Variants in PCDHGA5 observed in about 807,000 individuals in gnomAD.
PCDHGA5 encodes protocadherin gamma subfamily A, 5, also known as protocadherin gamma-A5.
In PCDHGA5, 36 loss-of-function variants were observed where a neutral mutation model predicts 56.7. The observed-to-expected ratio is 0.64, with a 90% CI of 0.49 to 0.84. The LOEUF is 0.84. Among genes scored for constraint, PCDHGA5 ranks in the 40% least tolerant of loss-of-function variants. PCDHGA5 has a pLI of 0.00. For synonymous variants in PCDHGA5, 563 were observed against 520.2 expected (o/e 1.08, Z -1.12); for missense variants, 1,305 against 1,201.5 (o/e 1.09, Z -1.27).
chr5:141,366,779 C>T, intron 1 of PCDHGA5, 28 bp downstream of exon 1: 2 of 1,585,730 alleles, frequency 1.3e-6, no homozygotes, highest in Non-Finnish European at 1.7e-6. Context: ...GTAAGGATGA[C>T]CAGAACATTT....
Position 141,453,270 on chromosome 5 carries a change from T to C in PCDHGA5, c.2422-41537T>C, listed in dbSNP as rs1592250907. 4.6e-5 allele frequency among the ~76,000 whole-genome samples: 7 copies of C among 152,146 alleles called. No homozygotes were observed. In the South Asian group the frequency reaches 1.5e-3, roughly 32 times the overall value. On this transcript the variant is annotated intron_variant, in intron 1 of 3. Transcript: ENST00000518069. The stretch of plus-strand genomic sequence containing the variant: ...CTGGGGCTGCAAGTGCACACCACCA[T>C]GACTGGCTAATTTTTTAATTATTTA...
At chr5:141,464,929 G>A (rs1358204606) in intron 1 of PCDHGA5, among the ~76,000 whole-genome samples, 1 of 151,878 alleles carries the variant, frequency 6.6e-6, no homozygotes, top group Non-Finnish European at 1.5e-5. Flanking sequence ...TTGTAGAGAT[G>A]TGAGGTCTCA....
chr5:141,455,897 T>C (rs1330516646), intron 1 of PCDHGA5, among the ~76,000 whole-genome samples: 1 of 149,800 alleles, frequency 6.7e-6, no homozygotes, highest in African/African-American at 2.4e-5. Flanking sequence ...ATTTATTTAT[T>C]TATTTATTTA....
At chr5:141,428,493 T>G in intron 1 of PCDHGA5, 1 of 307,146 alleles carries the variant, frequency 3.3e-6, no homozygotes, top group Non-Finnish European at 6.3e-6. Context: ...GCAATCTGTA[T>G]GTTCCCTCGG....
intron 1 of PCDHGA5, chr5:141,408,720 A>G (rs1325828281): frequency 6.2e-7 from 1 of 1,611,214 alleles, no homozygotes; most frequent in African/African-American, 1.3e-5. Context: ...TATAAGATAA[A>G]CTCTAATCCT....
chr5:141,506,304 C>A (rs569926873), intron 3 of PCDHGA5, among the ~76,000 whole-genome samples: 3 of 152,078 alleles, frequency 2.0e-5, no homozygotes, highest in Non-Finnish European at 4.4e-5. Context: ...CAAAAATTAG[C>A]TGGGCATGGT....
intron 1 of PCDHGA5, chr5:141,409,794 C>T (rs1345529657): frequency 1.9e-6 from 3 of 1,611,732 alleles, no homozygotes; most frequent in South Asian, 1.1e-5. Flanking sequence ...TTCGCGCTCA[C>T]GCTGCAGGCC....
At chr5:141,383,347 G>T in intron 1 of PCDHGA5, 1 of 1,614,012 alleles carries the variant, frequency 6.2e-7, no homozygotes, top group South Asian at 1.1e-5. Flanking sequence ...AGCTCCTGGG[G>T]TTCGGTTTCC....
At chr5:141,488,146 A>G (rs1458115635) in intron 1 of PCDHGA5, among the ~76,000 whole-genome samples, 2 of 152,164 alleles carry the variant, frequency 1.3e-5, no homozygotes, top group South Asian at 4.1e-4. Context: ...AACTAAAGGA[A>G]TAGAGAGGCA....
chr5:141,396,662 G>C (rs1589287769), intron 1 of PCDHGA5: 1 of 151,614 alleles, frequency 6.6e-6, no homozygotes, highest in Admixed American at 6.6e-5. Context: ...ACTCGGTATA[G>C]GCTATCCATT....
chr5:141,494,306 T>G (rs1432951954), intron 1 of PCDHGA5, among the ~76,000 whole-genome samples: 1 of 152,212 alleles, frequency 6.6e-6, no homozygotes, highest in Non-Finnish European at 1.5e-5. Flanking sequence ...AATGTGTCAC[T>G]GCACAACCTG....
chr5:141,386,745 G>A (rs2090694894), intron 1 of PCDHGA5, among the ~76,000 whole-genome samples: 1 of 152,124 alleles, frequency 6.6e-6, no homozygotes, highest in Non-Finnish European at 1.5e-5. Context: ...AGATCCTATG[G>A]CAGAACTACG....
At chr5:141,399,632 C>A in intron 1 of PCDHGA5, 2 of 1,613,894 alleles carry the variant, frequency 1.2e-6, no homozygotes, top group Non-Finnish European at 1.7e-6. Context: ...TCTTACGTGT[C>A]CATGAGCGCG....
At chr5:141,437,205 A>G (rs1561884114) in intron 1 of PCDHGA5, among the ~76,000 whole-genome samples, 1 of 152,202 alleles carries the variant, frequency 6.6e-6, no homozygotes, top group African/African-American at 2.4e-5. Context: ...ATGTGTTTAC[A>G]TTTATTCTGA....
Position 141,431,464 on chromosome 5 carries a change from G to GA in PCDHGA5, c.2422-63341dup, listed in dbSNP as rs1561852795. 1 of 1,613,782 alleles carries GA rather than the reference G, an allele frequency of 6.2e-7. No homozygotes were observed. Among genetic ancestry groups the GA allele is most frequent in the Non-Finnish European group, 8.5e-7 (1 of 1,179,972 alleles). ...GCATCCGCGTGATGGTTCTGGATGC[G>GA]AACGACAACGCACCAGCGTTTGCTC... On this transcript the variant is annotated intron_variant, in intron 1 of 3. Coordinates refer to ENST00000518069, the MANE Select transcript of PCDHGA5 (RefSeq NM_018918.3). This position sits in a 1 kb window ranked among gnomAD's most constrained non-coding sequence, Gnocchi z 4.8.
At chr5:141,376,928 C>G (rs928041482) in intron 1 of PCDHGA5, 1 of 168,908 alleles carries the variant, frequency 5.9e-6, no homozygotes, top group Non-Finnish European at 1.3e-5. Flanking sequence ...ACCTCATGAT[C>G]CACCCGCCTC....
Position 141,491,162 on chromosome 5 carries a change from C to T in PCDHGA5, c.2422-3645C>T. 6.2e-7 allele frequency: 1 copy of T among 1,614,112 alleles called. No homozygotes were observed. Among genetic ancestry groups the T allele is most frequent in the Non-Finnish European group, 8.5e-7 (1 of 1,179,952 alleles). On this transcript the variant is annotated intron_variant, in intron 1 of 3. Coordinates refer to ENST00000518069, the MANE Select transcript of PCDHGA5 (RefSeq NM_018918.3). This position sits in a 1 kb window ranked among gnomAD's most constrained non-coding sequence, Gnocchi z 6.9. ...GCCTTACTGGAGGATGACTCTGACA[C>T]CCAGCAGGTGGTGGTCCTGGTGAGG...
chr5:141,419,447 C>T (rs754931078), intron 1 of PCDHGA5: 8 of 1,613,016 alleles, frequency 5.0e-6, no homozygotes, highest in Non-Finnish European at 4.2e-6. Flanking sequence ...CACCTTCGAG[C>T]TCACGCTGCA....
At position 141,476,923 on chromosome 5, in the gene PCDHGA5, G is replaced by A. The variant is rs368207814; in HGVS notation, c.2422-17884G>A. On this transcript the variant is annotated intron_variant, in intron 1 of 3. Transcript: ENST00000518069. This position sits in a 1 kb window ranked among gnomAD's most constrained non-coding sequence, Gnocchi z 7.6. ...CGCGCGTGGTACAAGTCCTTGCAAC[G>A]GATCTGGATGAAGGCCCCAACGGTG... The A allele has an allele frequency of 5.0e-6, 8 of 1,614,024 alleles. No individual in the cohort carries two copies. Among genetic ancestry groups the A allele is most frequent in the African/African-American group, 4.0e-5 (3 of 74,952 alleles).
Sources: allele counts gnomAD v4.1 joint callset (sites outside exome capture counted in the v4.1 genomes callset), GRCh38; gene constraint gnomAD v4.1.1; non-coding constraint Gnocchi (gnomAD v3.1); transcripts MANE v1.5; gene names NCBI Gene and HGNC (gene_info 2026-07-23, HGNC 2026-07-21).